Variants in ALPK1 observed in about 807,000 individuals in gnomAD.
ALPK1 encodes the protein alpha-protein kinase 1.
Under a neutral mutation model 120.6 loss-of-function variants are expected in ALPK1, and 110 were observed. The ratio of observed to expected loss-of-function variants is 0.91; its 90% CI spans 0.78 to 1.07. The LOEUF is 1.07. Ranked by LOEUF, ALPK1 falls within the 50% of genes least tolerant of loss-of-function variation. ALPK1 has a pLI of 0.00. For missense variants in ALPK1, 1,498 were observed against 1,483.9 expected (o/e 1.01, Z -0.16); for synonymous variants, 582 against 560.3 (o/e 1.04, Z -0.55).
chr4:112,421,069 G>A (rs1403889623), intron 5 of ALPK1, among the ~76,000 whole-genome samples: 1 of 152,048 alleles, frequency 6.6e-6, no homozygotes, highest in African/African-American at 2.4e-5. Context: ...CTGACCTCAG[G>A]TGATCCACCC....
intron 1 of ALPK1, among the ~76,000 whole-genome samples, chr4:112,312,792 TC>T (rs1728465977): frequency 6.6e-6 from 1 of 152,198 alleles, no homozygotes; most frequent in Non-Finnish European, 1.5e-5. Flanking sequence ...GTTTCAGAAG[TC>T]CCACAGTGTC....
intron 2 of ALPK1, among the ~76,000 whole-genome samples, chr4:112,341,938 C>A (rs767531752): frequency 6.6e-6 from 1 of 152,164 alleles, no homozygotes; most frequent in Non-Finnish European, 1.5e-5. Context: ...CTCCAGCCAG[C>A]GCAGGAGTTC....
chr4:112,430,950 A>T lies in ALPK1; in HGVS notation c.1403A>T (p.Glu468Val), dbSNP rs994723870. ...TCACAGCACCATACTTCGGTGTGTG[A>T]AGTATTTGAAAGTGATTGTGGAAAC... ...TYSQHHTSVC[E>V]VFESDCGNNK... Residue 468 changes from glutamate (E) to valine (V), a missense_variant, in exon 11 of 16, where the codon GAA becomes GTA. Physicochemically the swap from Glu to Val is moderately radical, Grantham distance 121. Transcript: ENST00000650871. 1.9e-6 allele frequency: 3 copies of T among 1,614,024 alleles called. No individual in the cohort carries two copies. Among genetic ancestry groups the T allele is most frequent in the African/African-American group, 2.7e-5 (2 of 75,042 alleles).
rs1727918240 is a variant in ALPK1 at position 112,304,157 on chromosome 4, C to T, written c.-153+6688C>T. On this transcript the variant is annotated intron_variant, in intron 1 of 15. Transcript: ENST00000650871. ...CTTAATCCAGTCTATCATTGATGGA[C>T]ACTTGGATTGGTTCCAAGTCTTTGC... Among the ~76,000 whole-genome samples the T allele has an allele frequency of 3.3e-5, 5 of 152,174 alleles. No individual in the cohort carries two copies. The South Asian group carries it at 8.3e-4, about 25-fold the overall frequency.
At chr4:112,400,130 G>T (rs1184192596) in intron 4 of ALPK1, among the ~76,000 whole-genome samples, 1 of 152,124 alleles carries the variant, frequency 6.6e-6, no homozygotes, top group East Asian at 1.9e-4. Context: ...GGGATTGCTG[G>T]GTCAAATGAT....
At chr4:112,338,796 C>G (rs1729738280) in intron 2 of ALPK1, among the ~76,000 whole-genome samples, 1 of 152,192 alleles carries the variant, frequency 6.6e-6, no homozygotes, top group African/African-American at 2.4e-5. Flanking sequence ...ATGACAACTA[C>G]TAGCAAAGTT....
At chr4:112,437,511 C>G (rs540778204) in intron 12 of ALPK1, among the ~76,000 whole-genome samples, 1 of 152,182 alleles carries the variant, frequency 6.6e-6, no homozygotes, top group Non-Finnish European at 1.5e-5. Flanking sequence ...TTGTGCACAC[C>G]TCTGGTATCA....
intron 1 of ALPK1, among the ~76,000 whole-genome samples, chr4:112,310,585 T>C (rs960848744): frequency 6.6e-6 from 1 of 152,100 alleles, no homozygotes; most frequent in African/African-American, 2.4e-5. Flanking sequence ...GTTACCTTTA[T>C]CAAGTGTAAA....
At chr4:112,430,390 C>T in intron 10 of ALPK1, 58 bp from the exon 11 acceptor site, 1 of 1,441,150 alleles carries the variant, frequency 6.9e-7, no homozygotes, top group Non-Finnish European at 9.4e-7. Flanking sequence ...AAAGTTTGTC[C>T]TGATTCACTT....
At chr4:112,405,600 G>C (rs904492086) in intron 4 of ALPK1, among the ~76,000 whole-genome samples, 1 of 152,014 alleles carries the variant, frequency 6.6e-6, no homozygotes, top group African/African-American at 2.4e-5. Context: ...TTTTGAGATA[G>C]AGTCTTGCTG....
At chr4:112,429,859 AGAAAAGAG>A (rs1734455348) in intron 10 of ALPK1, among the ~76,000 whole-genome samples, 2 of 146,486 alleles carry the variant, frequency 1.4e-5, no homozygotes, top group Admixed American at 1.4e-4. Flanking sequence ...AAAAAAGAAA[AGAAAAGAG>A]AAAAAGAAAA....
rs372690980 is a variant in ALPK1 at position 112,399,688 on chromosome 4, G to A, written c.277-12139G>A. 3.0e-4 allele frequency among the ~76,000 whole-genome samples: 45 copies of A among 152,132 alleles called. 1 individual carries two copies. Among genetic ancestry groups the A allele is most frequent in the Admixed American group, 9.2e-4 (14 of 15,282 alleles). On this transcript the variant is annotated intron_variant, in intron 4 of 15. Coordinates refer to ENST00000650871, the MANE Select transcript of ALPK1 (RefSeq NM_025144.4). ...GGTGGTTTGCTGCACCTATCAACCCGTCATTTAAGTTTTAAGCCCCACATG... is the reference window on the plus strand; with the variant it reads ...GGTGGTTTGCTGCACCTATCAACCCATCATTTAAGTTTTAAGCCCCACATG...
At chr4:112,417,756 G>A (rs2148753494) in intron 5 of ALPK1, among the ~76,000 whole-genome samples, 1 of 152,308 alleles carries the variant, frequency 6.6e-6, no homozygotes, top group African/African-American at 2.4e-5. Flanking sequence ...AAAGTCCTGG[G>A]ATTATAGGCA....
intron 10 of ALPK1, among the ~76,000 whole-genome samples, chr4:112,429,965 A>G (rs1734462712): frequency 1.3e-5 from 2 of 152,198 alleles, no homozygotes; most frequent in Non-Finnish European, 2.9e-5. Context: ...TTGGTATCCA[A>G]AAATCTTTAA....
rs76793341 is a variant in ALPK1, at chr4:112,313,838, C to T, written c.-152-1963C>T. Among the ~76,000 whole-genome samples the T allele has an allele frequency of 5.2e-3, 796 of 152,082 alleles. 10 individuals carry two copies. Among genetic ancestry groups the T allele is most frequent in the African/African-American group, 0.018 (752 of 41,484 alleles). On this transcript the variant is annotated intron_variant, in intron 1 of 15. Transcript: ENST00000650871. The stretch of plus-strand genomic sequence containing the variant: ...ATGGGACAAAAGTCTAATTAGAATG[C>T]GTTTAAAAGAGAATGGGAAGAGAGA...
intron 2 of ALPK1, among the ~76,000 whole-genome samples, chr4:112,366,635 G>A (rs1351680132): frequency 1.4e-4 from 21 of 152,166 alleles, no homozygotes; most frequent in Admixed American, 1.3e-3. Flanking sequence ...GGAAAATTGT[G>A]TGTAGATCCC....
intron 4 of ALPK1, among the ~76,000 whole-genome samples, chr4:112,396,534 G>A (rs566594051): frequency 2.0e-5 from 3 of 152,192 alleles, no homozygotes; most frequent in South Asian, 2.1e-4. Context: ...AGAGTAAGGC[G>A]CTTATGTCAA....
In ALPK1 at chr4:112,439,700, G is replaced by C. The variant is rs1019243778; in HGVS notation, c.3366G>C (p.Lys1122Asn). 4 of 1,603,232 alleles carry C rather than the reference G, an allele frequency of 2.5e-6. No homozygotes were observed. The African/African-American group carries it at 5.4e-5, about 22-fold the overall frequency. The part of the protein sequence containing the change: ...PSTILLILED[K>N]TIKGCISVEP... ...CTATTTTTCAGATTTTAGAGGACAA[G>C]ACAATAAAGGGATGTATCAGTGTGG... The change falls in exon 14 of 16, where the codon AAG (lysine) becomes AAC (asparagine). Residue 1122 changes from lysine to asparagine, a missense_variant. Coordinates refer to ENST00000650871, the MANE Select transcript of ALPK1 (RefSeq NM_025144.4).
intron 2 of ALPK1, among the ~76,000 whole-genome samples, chr4:112,328,853 C>G (rs1201537941): frequency 6.6e-6 from 1 of 152,138 alleles, no homozygotes; most frequent in African/African-American, 2.4e-5. Flanking sequence ...GCCCAACATC[C>G]CACCCAACAT....
Sources: gnomAD v4.1 joint callset for allele counts (sites outside exome capture counted in the v4.1 genomes callset) on GRCh38, gnomAD v4.1.1 for gene constraint, MANE v1.5 for transcripts, NCBI Gene and HGNC (gene_info 2026-07-23, HGNC 2026-07-21) for gene names.